SMC3: variants seen among roughly 807,000 people sequenced by gnomAD.
SMC3 encodes structural maintenance of chromosomes protein 3.
Under a neutral mutation model 171.8 loss-of-function variants are expected in SMC3, and 20 were observed. That is an observed-to-expected ratio of 0.12 (90% CI 0.08 to 0.17). The LOEUF (loss-of-function observed/expected upper bound fraction) is 0.17. Among genes scored for constraint, SMC3 ranks in the 10% least tolerant of loss-of-function variants. The pLI is 1.00. For missense variants in SMC3, 543 were observed against 1,420.4 expected (o/e 0.38, Z 9.93); for synonymous variants, 464 against 451.1 (o/e 1.03, Z -0.36).
At chr10:110,603,829 C>CTCA (rs1861424517) in intron 28 of SMC3, among the ~76,000 whole-genome samples, 1 of 152,122 alleles carries the variant, frequency 6.6e-6, no homozygotes, top group East Asian at 1.9e-4. Flanking sequence ...GGCGCAATGG[C>CTCA]TCATGCCTGT....
At chr10:110,573,588 G>A in intron 2 of SMC3, 119 bp from the exon 3 acceptor site, 1 of 641,876 alleles carries the variant, frequency 1.6e-6, no homozygotes, top group Non-Finnish European at 2.7e-6. Context: ...TTTAATTTCA[G>A]ATGTTAAGAT....
intron 7 of SMC3, among the ~76,000 whole-genome samples, chr10:110,580,537 G>A (rs775565641): frequency 5.9e-5 from 9 of 152,226 alleles, no homozygotes; most frequent in South Asian, 2.1e-4. Flanking sequence ...GTAGGCATGC[G>A]TACTATACAA....
chr10:110,603,697 G>C (rs1036036469), intron 28 of SMC3, among the ~76,000 whole-genome samples: 2 of 152,148 alleles, frequency 1.3e-5, no homozygotes, highest in African/African-American at 4.8e-5. Context: ...TATTTCTTCA[G>C]AGCATTAAAA....
At chr10:110,573,519 T>C (rs1176932395) in intron 2 of SMC3, among the ~76,000 whole-genome samples, 188 bp from the exon 3 acceptor site, 1 of 151,836 alleles carries the variant, frequency 6.6e-6, no homozygotes, top group Non-Finnish European at 1.5e-5. Flanking sequence ...TAGAAGTCTG[T>C]ACAAAAATTG....
In SMC3 at chr10:110,578,730, T is replaced by G. The variant is rs140303461; in HGVS notation, c.429+24T>G. On this transcript the variant is annotated intron_variant, in intron 7 of 28. Transcript: ENST00000361804. ...AGGTAAAACAATTGTATGTCCTTTT[T>G]AAGTAGAATTTGTTTTCTGAGTAAT... 3.1e-4 allele frequency: 471 copies of G among 1,523,598 alleles called. 1 individual carries two copies. In the African/African-American group the frequency reaches 6.1e-3, roughly 20 times the overall value. 94.4% of individuals were successfully genotyped at this position (1,523,598 alleles called of 1,614,324 possible).
At chr10:110,582,827 C>G (rs1861052795) in intron 10 of SMC3, among the ~76,000 whole-genome samples, 185 bp downstream of exon 10, 1 of 151,906 alleles carries the variant, frequency 6.6e-6, no homozygotes, top group Admixed American at 6.6e-5. Flanking sequence ...ACCACCACAC[C>G]TGTCTAGTTT....
At chr10:110,583,640 A>AT (rs1564790339) in intron 11 of SMC3, 92 bp downstream of exon 11, 360 of 1,406,196 alleles carry the variant, frequency 2.6e-4, no homozygotes, top group Non-Finnish European at 3.2e-4. Context: ...GTGTGTTGGA[A>AT]TTTTTTTTTA....
At chr10:110,598,411 T>C in intron 20 of SMC3, 121 bp downstream of exon 20, 1 of 543,166 alleles carries the variant, frequency 1.8e-6, no homozygotes, top group Non-Finnish European at 2.8e-6. Context: ...GGACCCATAC[T>C]TTTTTTTTTT....
intron 2 of SMC3, among the ~76,000 whole-genome samples, chr10:110,569,691 C>G (rs1341190418): frequency 6.6e-6 from 1 of 151,954 alleles, no homozygotes; most frequent in Non-Finnish European, 1.5e-5. Flanking sequence ...CTTCAGTTTT[C>G]TCATTTGTAA....
Position 110,600,439 on chromosome 10 carries a change from GA to G in SMC3, c.2432del (p.Asn811ThrfsTer5). 1 of 1,485,962 alleles carries G rather than the reference GA, an allele frequency of 6.7e-7. No individual in the cohort carries two copies. The highest frequency in any genetic ancestry group is 9.4e-7 in the Non-Finnish European group (1 of 1,063,440). The allele number at this position is 1,485,962 out of a possible 1,614,324, so 92.0% of individuals were successfully genotyped here. Reference protein sequence around the residue: ...LNDEIRQLQQENRQLLNERIK... With the variant: ...LNDEIRQLQQXNRQLLNERIK... ...ATAGACAACTTTTTCTTAATTCTAG[GA>G]AAACAGACAGTTGCTAAATGAAAGA... is the stretch of plus-strand genomic sequence containing the variant. On this transcript the variant is annotated frameshift_variant and splice_region_variant, in exon 22 of 29. Coordinates refer to ENST00000361804, the MANE Select transcript of SMC3 (RefSeq NM_005445.4). LOFTEE classifies it high-confidence loss of function.
rs183406266 is a variant in SMC3 at position 110,597,095 on chromosome 10, G to A, written c.2116+545G>A. 4.0e-3 allele frequency among the ~76,000 whole-genome samples: 601 copies of A among 149,466 alleles called. 2 individuals carry two copies. The highest frequency in any genetic ancestry group is 6.1e-3 in the Non-Finnish European group (415 of 67,714). On this transcript the variant is annotated intron_variant, in intron 19 of 28. Transcript: ENST00000361804. Reference sequence around the variant, plus strand: ...GGAGGTGGAGGTTGCGGTGAGCTGAGATCACACCACTGCACTCCAGCCTGG... The same window carrying A: ...GGAGGTGGAGGTTGCGGTGAGCTGAAATCACACCACTGCACTCCAGCCTGG...
chr10:110,584,339 A>C lies in SMC3; in HGVS notation c.1248A>C (p.Ile416=). 6.2e-7 allele frequency: 1 copy of C among 1,614,070 alleles called. No individual in the cohort carries two copies. The highest frequency in any genetic ancestry group is 8.5e-7 in the Non-Finnish European group (1 of 1,179,946). The change falls in exon 13 of 29, where the codon ATA becomes ATC. Residue 416 remains isoleucine (I), a synonymous_variant. Transcript: ENST00000361804. ...INDKKRQIAA[I]HKDLEDTEAN... ...ACAAGAAAAGACAGATTGCTGCTAT[A>C]CATAAGGATTTGGAAGACACTGAAG...
intron 5 of SMC3, 105 bp from the exon 6 acceptor site, chr10:110,577,730 A>C: frequency 1.2e-6 from 1 of 804,116 alleles, no homozygotes. Flanking sequence ...AGATAATTGA[A>C]ATTTTAAAAT....
At chr10:110,574,105 A>G (rs1179158834) in intron 3 of SMC3, among the ~76,000 whole-genome samples, 1 of 152,246 alleles carries the variant, frequency 6.6e-6, no homozygotes, top group Non-Finnish European at 1.5e-5. Context: ...AATGTTATAA[A>G]TGCATATTTT....
chr10:110,571,811 CATTTTTAAATAAAAA>C lies in SMC3; in HGVS notation c.92-1893_92-1879del, dbSNP rs1860877749. 2.7e-5 allele frequency among the ~76,000 whole-genome samples: 4 copies of C among 149,338 alleles called. No homozygotes were observed. In the South Asian group the frequency reaches 8.6e-4, roughly 32 times the overall value. On this transcript the variant is annotated intron_variant, in intron 2 of 28. Transcript: ENST00000361804. ...GTTCATTTTTAAATAAAAATGGGTT[CATTTTTAAATAAAAA>C]ATGGGTTCATCATATAACTTACTGG...
At chr10:110,583,640 ATTTTTTTTTAAGC>A in intron 11 of SMC3, 92 bp downstream of exon 11, 1 of 1,407,662 alleles carries the variant, frequency 7.1e-7, no homozygotes, top group Non-Finnish European at 9.9e-7. Context: ...GTGTGTTGGA[ATTTTTTTTTAAGC>A]TTTGCTACGT....
At chr10:110,582,931 GTTTTTTT>G (rs59010687) in intron 10 of SMC3, among the ~76,000 whole-genome samples, 5 of 136,284 alleles carry the variant, frequency 3.7e-5, no homozygotes, top group Admixed American at 2.2e-4. Flanking sequence ...GCCTCCTGAA[GTTTTTTT>G]TTTTTTTTTG....
At chr10:110,569,068 T>C in intron 2 of SMC3, 55 bp downstream of exon 2, 1 of 1,105,562 alleles carries the variant, frequency 9.0e-7, no homozygotes, top group Non-Finnish European at 1.4e-6. Context: ...ATAATGTAAA[T>C]TCTGTCCATT....
intron 13 of SMC3, among the ~76,000 whole-genome samples, chr10:110,588,172 A>G (rs917880403): frequency 6.6e-6 from 1 of 152,074 alleles, no homozygotes; most frequent in Non-Finnish European, 1.5e-5. Flanking sequence ...TTGTATTTTC[A>G]GTAGAGACGG....
Sources: allele counts gnomAD v4.1 joint callset (sites outside exome capture counted in the v4.1 genomes callset), GRCh38; gene constraint gnomAD v4.1.1; transcripts MANE v1.5; gene names NCBI Gene and HGNC (gene_info 2026-07-23, HGNC 2026-07-21).